Variants in SKIL observed in about 807,000 individuals in gnomAD.
SKIL encodes the protein SKI like proto-oncogene, also known as ski-like protein.
Under a neutral mutation model 69.6 loss-of-function variants are expected in SKIL, and 20 were observed. The observed-to-expected ratio is 0.29, with a 90% CI of 0.20 to 0.42. The LOEUF is 0.42. SKIL is among the 10% of genes least tolerant of loss of function. SKIL has a pLI of 1.00. For synonymous variants in SKIL, 310 were observed against 279.9 expected (o/e 1.11, Z -1.08); for missense variants, 745 against 783.1 (o/e 0.95, Z 0.58).
In SKIL at chr3:170,392,834, C is replaced by G. The variant is rs1288240062; in HGVS notation, c.*417C>G. On this transcript the variant is annotated 3_prime_UTR_variant, in exon 7 of 7. Coordinates refer to ENST00000259119, the MANE Select transcript of SKIL (RefSeq NM_005414.5). ...TATATTTTAAGTATATAGAGCTACT[C>G]AAGGAGTTGAATCTCCCCTTTTCTC... 1 of 152,680 alleles carries G rather than the reference C, an allele frequency of 6.5e-6. No individual in the cohort carries two copies. The highest frequency in any genetic ancestry group is 6.5e-5 in the Admixed American group (1 of 15,292). 9.5% of individuals were successfully genotyped at this position (152,680 alleles called of 1,614,324 possible). A position where few individuals can be genotyped will look rare whatever the true frequency, so the allele number is the denominator to read the frequency against.
chr3:170,378,810 C>A (rs917367919), intron 2 of SKIL, among the ~76,000 whole-genome samples: 1 of 150,674 alleles, frequency 6.6e-6, no homozygotes, highest in Admixed American at 6.6e-5. Context: ...CCCAAAGTTA[C>A]AGGCATGAGC....
At chr3:170,358,342 C>T (rs943976894) in intron 1 of SKIL, among the ~76,000 whole-genome samples, 1 of 151,464 alleles carries the variant, frequency 6.6e-6, no homozygotes, top group African/African-American at 2.4e-5. Context: ...GTTGGGAGGG[C>T]ACTTGGGGTT....
At chr3:170,376,803 T>G (rs1413192416) in intron 2 of SKIL, among the ~76,000 whole-genome samples, 1 of 152,148 alleles carries the variant, frequency 6.6e-6, no homozygotes. Flanking sequence ...CTCAAACTCC[T>G]GAGCTGAAGC....
rs1738198683 is a variant in SKIL at position 170,396,584 on chromosome 3, A to G, written c.*4167A>G. On this transcript the variant is annotated 3_prime_UTR_variant, in exon 7 of 7. Transcript: ENST00000259119. ...GGTTAAAGTTGCTGTGGTTGGTTGC[A>G]TTACATGACACAGAAAACTGTCCTC... 1 of 152,234 alleles carries G rather than the reference A, an allele frequency of 6.6e-6. No individual in the cohort carries two copies. The highest frequency in any genetic ancestry group is 1.5e-5 in the Non-Finnish European group (1 of 68,038). 9.4% of individuals were successfully genotyped at this position (152,234 alleles called of 1,614,324 possible).
At chr3:170,369,547 A>G (rs1226579889) in intron 2 of SKIL, among the ~76,000 whole-genome samples, 1 of 152,086 alleles carries the variant, frequency 6.6e-6, no homozygotes, top group Non-Finnish European at 1.5e-5. Flanking sequence ...AATTACAGTC[A>G]TGTGCCACCA....
chr3:170,379,400 A>G (rs773912245), intron 2 of SKIL, among the ~76,000 whole-genome samples: 1 of 151,644 alleles, frequency 6.6e-6, no homozygotes, highest in African/African-American at 2.4e-5. Flanking sequence ...TTAACTTCCT[A>G]TTTTTGTTGG....
At chr3:170,388,864 T>TTATG (rs1283461847) in intron 4 of SKIL, among the ~76,000 whole-genome samples, 25 of 130,718 alleles carry the variant, frequency 1.9e-4, no homozygotes, top group East Asian at 1.0e-3. Context: ...ATTTATGTAT[T>TTATG]TATTTATTTA....
At chr3:170,366,694 CAG>C (rs1289363429) in intron 2 of SKIL, among the ~76,000 whole-genome samples, 17 of 109,606 alleles carry the variant, frequency 1.6e-4, no homozygotes, top group South Asian at 6.3e-4. Flanking sequence ...CACACACACA[CAG>C]ACACACACAC....
intron 4 of SKIL, among the ~76,000 whole-genome samples, chr3:170,386,601 A>G (rs967018071): frequency 1.1e-4 from 16 of 152,012 alleles, no homozygotes; most frequent in East Asian, 1.9e-4. Flanking sequence ...CCTAGTAGCT[A>G]GGACTACAGG....
At chr3:170,392,170 G>A in intron 6 of SKIL, 89 bp from the exon 7 acceptor site, 1 of 1,095,042 alleles carries the variant, frequency 9.1e-7, no homozygotes, top group African/African-American at 1.6e-5. Context: ...TTTGTAAAAA[G>A]TAATTTGAAA....
At chr3:170,365,956 A>G (rs550930097) in intron 2 of SKIL, among the ~76,000 whole-genome samples, 28 of 151,572 alleles carry the variant, frequency 1.8e-4, no homozygotes, top group African/African-American at 6.1e-4. Context: ...GGGTTTCACC[A>G]TGCTGGCCAG....
intron 1 of SKIL, among the ~76,000 whole-genome samples, chr3:170,358,281 CG>C (rs916159217): frequency 2.0e-5 from 3 of 150,100 alleles, no homozygotes; most frequent in Admixed American, 6.6e-5. Context: ...AGAGGGTGCG[CG>C]GGGGGGTGGA....
intron 2 of SKIL, among the ~76,000 whole-genome samples, chr3:170,371,312 C>G (rs899731047): frequency 6.6e-6 from 1 of 151,880 alleles, no homozygotes; most frequent in Non-Finnish European, 1.5e-5. Context: ...ACCAGCCTGG[C>G]CAACATGGTG....
At chr3:170,372,024 C>T (rs1017709878) in intron 2 of SKIL, among the ~76,000 whole-genome samples, 10 of 152,086 alleles carry the variant, frequency 6.6e-5, no homozygotes, top group African/African-American at 2.4e-4. Flanking sequence ...AAAGTAAAGC[C>T]TTAGAATTAT....
rs1308061648 is a variant in SKIL at position 170,374,917 on chromosome 3, G to C, written c.1099-6327G>C. Among the ~76,000 whole-genome samples the C allele has an allele frequency of 2.0e-5, 3 of 152,216 alleles. No individual in the cohort carries two copies. The East Asian group carries it at 5.8e-4, about 29-fold the overall frequency. ...CATGGAGTAGAGGGATATCAAACGT[G>C]AAAGAGACCAAGAGTTTTGTGGTAG... On this transcript the variant is annotated intron_variant, in intron 2 of 6. Coordinates refer to ENST00000259119, the MANE Select transcript of SKIL (RefSeq NM_005414.5).
chr3:170,387,608 C>T (rs1737701594), intron 4 of SKIL, among the ~76,000 whole-genome samples: 1 of 151,716 alleles, frequency 6.6e-6, no homozygotes, highest in Non-Finnish European at 1.5e-5. Flanking sequence ...TGCATTGGGT[C>T]TACTTTTTGG....
rs1361438794 is a variant in SKIL at position 170,360,596 on chromosome 3, AC to A, written c.266del (p.Thr89AsnfsTer7). 4 of 1,614,234 alleles carry A rather than the reference AC, an allele frequency of 2.5e-6. No individual in the cohort carries two copies. On this transcript the variant is annotated frameshift_variant, in exon 2 of 7. Coordinates refer to ENST00000259119, the MANE Select transcript of SKIL (RefSeq NM_005414.5). LOFTEE classifies it high-confidence loss of function. Reference protein sequence around the residue: ...TLHLNPSLKHTLAQFHLSSQS... With the variant: ...TLHLNPSLKHXLAQFHLSSQS... ...GCATTTAAATCCCAGTTTGAAACAC[AC>A]ATTGGCACAATTCCATTTAAGTAGT... is the stretch of plus-strand genomic sequence containing the variant.
chr3:170,359,401 G>C (rs1446150521), intron 1 of SKIL, among the ~76,000 whole-genome samples: 1 of 152,084 alleles, frequency 6.6e-6, no homozygotes, highest in Non-Finnish European at 1.5e-5. Flanking sequence ...TTCAAGACCA[G>C]CCTGACTAAT....
In SKIL at chr3:170,357,755, C is replaced by CGGT. The variant is rs1352352891; in HGVS notation, c.-640_-639insTGG. 1.2e-5 allele frequency: 2 copies of CGGT among 165,796 alleles called. No individual in the cohort carries two copies. Among genetic ancestry groups the CGGT allele is most frequent in the African/African-American group, 4.8e-5 (2 of 41,482 alleles). The allele number at this position is 165,796 out of a possible 1,614,324, so 10.3% of individuals were successfully genotyped here. On this transcript the variant is annotated 5_prime_UTR_variant, in exon 1 of 7. Coordinates refer to ENST00000259119, the MANE Select transcript of SKIL (RefSeq NM_005414.5). Reference sequence around the variant, plus strand: ...GGGCGAGCGGCGACGGCGGCGGCGGCGGGCACAGGTGCGGCTCCGGCTTAC... The same window carrying CGGT: ...GGGCGAGCGGCGACGGCGGCGGCGGCGGTGGGCACAGGTGCGGCTCCGGCTTAC...
Sources: allele counts gnomAD v4.1 joint callset (sites outside exome capture counted in the v4.1 genomes callset), GRCh38; gene constraint gnomAD v4.1.1; transcripts MANE v1.5; gene names NCBI Gene and HGNC (gene_info 2026-07-23, HGNC 2026-07-21).